The following IL1RAPL1 variants were observed in gnomAD, a reference collection of about 807,000 sequenced individuals.
IL1RAPL1 encodes the protein interleukin-1 receptor accessory protein-like 1.
In IL1RAPL1, 3 loss-of-function variants were observed where a neutral mutation model predicts 48.4. The observed-to-expected ratio is 0.06, with a 90% CI of 0.03 to 0.16. IL1RAPL1 has a LOEUF of 0.16. Ranked by LOEUF, IL1RAPL1 falls within the 10% of genes least tolerant of loss-of-function variation. The probability of loss-of-function intolerance (pLI) is 1.00; values close to 1 mark genes in which losing one functional copy is unlikely to be tolerated. For missense variants in IL1RAPL1, 349 were observed against 530.6 expected (o/e 0.66, Z 3.36); for synonymous variants, 185 against 187.7 (o/e 0.99, Z 0.12).
At chrX:29,800,019 C>G (rs1025841932) in intron 6 of IL1RAPL1, among the ~76,000 whole-genome samples, 2 of 111,846 alleles carry the variant, frequency 1.8e-5, no homozygotes, top group African/African-American at 3.3e-5. Context: ...ATCCTCTGTT[C>G]TATCTACTAT....
intron 2 of IL1RAPL1, among the ~76,000 whole-genome samples, chrX:29,175,717 T>TGGG (rs1930001239): frequency 9.4e-6 from 1 of 106,776 alleles, no homozygotes; most frequent in Non-Finnish European, 1.9e-5. Context: ...GTGGTGGCAC[T>TGGG]CACCTGTAAT....
At chrX:29,610,030 T>C (rs1373974752) in intron 5 of IL1RAPL1, among the ~76,000 whole-genome samples, 1 of 111,499 alleles carries the variant, frequency 9.0e-6, no homozygotes, top group East Asian at 2.8e-4. Context: ...CTACTTGAAG[T>C]ATGAGGGGGA....
At chrX:29,364,654 A>G (rs775112418) in intron 3 of IL1RAPL1, among the ~76,000 whole-genome samples, 30 of 110,978 alleles carry the variant, frequency 2.7e-4, no homozygotes, top group African/African-American at 4.6e-4. Flanking sequence ...ATTATTCCCT[A>G]AACAAAACAG....
intron 1 of IL1RAPL1, among the ~76,000 whole-genome samples, chrX:28,641,757 C>T (rs910967923): frequency 2.7e-5 from 3 of 111,414 alleles, no homozygotes; most frequent in East Asian, 2.8e-4. Flanking sequence ...TAATGATCGC[C>T]GTTCTAACTG....
rs560794779 is a variant in IL1RAPL1 at position 29,206,569 on chromosome X, C to G, written c.83-76369C>G. ...TGTTACGTATTCATTTAATACTCAA[C>G]TATAATGATTAATAATAGTTGTAGT... On this transcript the variant is annotated intron_variant, in intron 2 of 10. Transcript: ENST00000378993. 1.3e-4 allele frequency among the ~76,000 whole-genome samples: 15 copies of G among 111,701 alleles called. No individual in the cohort carries two copies. In the Middle Eastern group the frequency reaches 0.024, roughly 177 times the overall value.
At chrX:29,609,212 T>C (rs1924015492) in intron 5 of IL1RAPL1, among the ~76,000 whole-genome samples, 1 of 111,674 alleles carries the variant, frequency 9.0e-6, no homozygotes, top group Non-Finnish European at 1.9e-5. Context: ...TATTTTCCTT[T>C]CGCCTCAAAT....
At chrX:29,767,852 C>T (rs1249024299) in intron 6 of IL1RAPL1, among the ~76,000 whole-genome samples, 7 of 111,165 alleles carry the variant, frequency 6.3e-5, no homozygotes, top group Admixed American at 5.8e-4. Flanking sequence ...GCAAATAAGA[C>T]TGCCTTTAAA....
chrX:29,115,171 A>G (rs1928653913), intron 2 of IL1RAPL1, among the ~76,000 whole-genome samples: 1 of 111,881 alleles, frequency 8.9e-6, no homozygotes, highest in Non-Finnish European at 1.9e-5. Context: ...ATTATATTGT[A>G]TGGTATCAAT....
intron 6 of IL1RAPL1, among the ~76,000 whole-genome samples, chrX:29,817,471 G>A (rs1276968096): frequency 1.8e-5 from 2 of 111,035 alleles, no homozygotes; most frequent in African/African-American, 6.6e-5. Context: ...GCTGAAAGGT[G>A]TATGAAGTAC....
chrX:29,924,012 G>A (rs1408325613), intron 8 of IL1RAPL1, among the ~76,000 whole-genome samples: 1 of 111,812 alleles, frequency 8.9e-6, no homozygotes, highest in Admixed American at 9.5e-5. Context: ...ACCCAACTCT[G>A]TTCTTACTAG....
intron 1 of IL1RAPL1, among the ~76,000 whole-genome samples, chrX:28,660,087 GT>G (rs1934802951): frequency 8.6e-4 from 4 of 4,652 alleles, no homozygotes; most frequent in African/African-American, 2.1e-3. Flanking sequence ...AGTGAGGATG[GT>G]GTGTGTGTGT....
chrX:29,659,646 C>T (rs763217932), intron 5 of IL1RAPL1, among the ~76,000 whole-genome samples: 15 of 111,591 alleles, frequency 1.3e-4, no homozygotes, highest in African/African-American at 2.3e-4. Flanking sequence ...GTTTTTGAAA[C>T]GGAGTTTTGC....
chrX:29,073,550 T>C (rs1307079350), intron 2 of IL1RAPL1, among the ~76,000 whole-genome samples: 1 of 111,746 alleles, frequency 8.9e-6, no homozygotes, highest in African/African-American at 3.2e-5. Context: ...ATTTCTTTAC[T>C]ACATTACCCC....
rs767743911 is a variant in IL1RAPL1, at chrX:29,867,107, G to A, written c.779-50357G>A. 1.6e-3 allele frequency among the ~76,000 whole-genome samples: 178 copies of A among 110,080 alleles called. 2 individuals carry two copies. The highest frequency in any genetic ancestry group is 5.5e-3 in the African/African-American group (166 of 30,090). On this transcript the variant is annotated intron_variant, in intron 6 of 10. Transcript: ENST00000378993. ...GAGCAGAGTGAAAACAATGCCCATG[G>A]CCTATTGACCACATTCATAATAAAA...
intron 2 of IL1RAPL1, among the ~76,000 whole-genome samples, chrX:29,155,666 C>T (rs939377781): frequency 1.8e-5 from 2 of 111,783 alleles, no homozygotes; most frequent in Non-Finnish European, 3.8e-5. Flanking sequence ...CTGGTCTTTC[C>T]TTTAAATATA....
intron 2 of IL1RAPL1, among the ~76,000 whole-genome samples, chrX:28,793,767 A>G (rs1217913191): frequency 9.0e-6 from 1 of 111,299 alleles, no homozygotes; most frequent in African/African-American, 3.3e-5. Context: ...GGGATACTGA[A>G]GAAAAATGAA....
chrX:29,409,334 A>G (rs886873790), intron 5 of IL1RAPL1, among the ~76,000 whole-genome samples: 4 of 112,122 alleles, frequency 3.6e-5, no homozygotes, highest in Non-Finnish European at 5.6e-5. Flanking sequence ...TTGTAACTCA[A>G]ATATCATTTA....
intron 3 of IL1RAPL1, among the ~76,000 whole-genome samples, chrX:29,319,854 G>A (rs953645888): frequency 5.4e-5 from 6 of 111,085 alleles, no homozygotes; most frequent in African/African-American, 1.6e-4. Flanking sequence ...TGAAGTTTAT[G>A]ACATTTTAAT....
At chrX:29,927,247 AG>A (rs1056134758) in intron 8 of IL1RAPL1, among the ~76,000 whole-genome samples, 8 of 112,458 alleles carry the variant, frequency 7.1e-5, no homozygotes, top group Admixed American at 6.6e-4. Flanking sequence ...GCCCTTGCCT[AG>A]ACAATAGATC....
Sources: gnomAD v4.1 joint callset for allele counts (sites outside exome capture counted in the v4.1 genomes callset) on GRCh38, gnomAD v4.1.1 for gene constraint, MANE v1.5 for transcripts, NCBI Gene and HGNC (gene_info 2026-07-23, HGNC 2026-07-21) for gene names.